The following BIRC6 variants were observed in gnomAD, a reference collection of about 807,000 sequenced individuals.
BIRC6 encodes the protein baculoviral IAP repeat containing 6.
BIRC6 carries 98 observed loss-of-function variants against 503.3 expected under a neutral mutation model. That is an observed-to-expected ratio of 0.19 (90% CI 0.17 to 0.23). The LOEUF (loss-of-function observed/expected upper bound fraction) is 0.23, where lower values mean the gene tolerates loss of function less well. Among genes scored for constraint, BIRC6 ranks in the 10% least tolerant of loss-of-function variants. The pLI is 1.00. For synonymous variants in BIRC6, 2,240 were observed against 2,078.7 expected (o/e 1.08, Z -2.11); for missense variants, 5,360 against 5,806.0 (o/e 0.92, Z 2.50).
Position 32,468,799 on chromosome 2 carries a change from A to G in BIRC6, c.6127+16A>G. The G allele has an allele frequency of 6.5e-7, 1 of 1,537,608 alleles. No homozygotes were observed. Among genetic ancestry groups the G allele is most frequent in the South Asian group, 1.2e-5 (1 of 82,216 alleles). On this transcript the variant is annotated intron_variant, in intron 29 of 73. Transcript: ENST00000421745. Reference sequence around the variant, plus strand: ...GCTTCTAATGGTTTGTATTTGGCTTACATATTTTAAAGGCTGGGAATATAC... The same window carrying G: ...GCTTCTAATGGTTTGTATTTGGCTTGCATATTTTAAAGGCTGGGAATATAC...
intron 61 of BIRC6, among the ~76,000 whole-genome samples, chr2:32,540,379 C>T (rs2057565878): frequency 6.6e-6 from 1 of 151,962 alleles, no homozygotes; most frequent in African/African-American, 2.4e-5. Flanking sequence ...AAATCATATC[C>T]TGTTCATCTA....
At chr2:32,584,447 C>T (rs1241165639) in intron 66 of BIRC6, among the ~76,000 whole-genome samples, 6 of 152,058 alleles carry the variant, frequency 3.9e-5, no homozygotes, top group African/African-American at 1.4e-4. Flanking sequence ...GCAAGAGAAT[C>T]GCTTCAACCG....
At chr2:32,400,736 G>T (rs1406547527) in intron 6 of BIRC6, among the ~76,000 whole-genome samples, 1 of 152,130 alleles carries the variant, frequency 6.6e-6, no homozygotes, top group East Asian at 1.9e-4. Context: ...TCGAGTTTCA[G>T]CTGTATATCA....
Position 32,482,464 on chromosome 2 carries a change from T to A in BIRC6, c.7578T>A (p.Ala2526=). 2 of 1,613,944 alleles carry A rather than the reference T, an allele frequency of 1.2e-6. No homozygotes were observed. The highest frequency in any genetic ancestry group is 1.7e-6 in the Non-Finnish European group (2 of 1,179,840). The change falls in exon 39 of 74, where the codon GCT becomes GCA. Residue 2526 remains alanine, a synonymous_variant. Transcript: ENST00000421745. ...GTACATGGTATGATTATTGGGGTGCTGATTATGGGACCTACAATTACAACC... is the reference window on the plus strand; with the variant it reads ...GTACATGGTATGATTATTGGGGTGCAGATTATGGGACCTACAATTACAACC... ...ISSTWYDYWG[A]DYGTYNYNPY...
intron 5 of BIRC6, 35 bp from the exon 6 acceptor site, chr2:32,395,476 T>C (rs758137817): frequency 6.9e-6 from 10 of 1,455,552 alleles, no homozygotes; most frequent in African/African-American, 1.4e-5. Flanking sequence ...AATAATGATT[T>C]ACCTTTTCTG....
At chr2:32,483,229 T>C (rs1026297173) in intron 39 of BIRC6, among the ~76,000 whole-genome samples, 1 of 152,082 alleles carries the variant, frequency 6.6e-6, no homozygotes, top group Non-Finnish European at 1.5e-5. Context: ...ATTTTTACAC[T>C]TTTTTAGTCA....
rs527683670 is a variant in BIRC6 at position 32,489,550 on chromosome 2, A to C, written c.8096-491A>C. Among the ~76,000 whole-genome samples, 8 of 152,270 alleles carry C rather than the reference A, an allele frequency of 5.3e-5. No individual in the cohort carries two copies. The East Asian group carries it at 1.5e-3, about 29-fold the overall frequency. ...TTCCTGGCTGGGCACAGTGGCTCAC[A>C]CCTGTAAAACCAGCACTTTGAGAGG... is the stretch of plus-strand genomic sequence containing the variant. On this transcript the variant is annotated intron_variant, in intron 42 of 73. Transcript: ENST00000421745.
At chr2:32,487,837 T>C (rs749578320) in intron 41 of BIRC6, 36 bp downstream of exon 41, 7 of 1,542,980 alleles carry the variant, frequency 4.5e-6, no homozygotes, top group Non-Finnish European at 4.5e-6. Flanking sequence ...TTTTTACATA[T>C]TATTGTTAGC....
intron 3 of BIRC6, among the ~76,000 whole-genome samples, chr2:32,386,388 T>C (rs567100600): frequency 6.6e-6 from 1 of 151,938 alleles, no homozygotes; most frequent in African/African-American, 2.4e-5. Flanking sequence ...TTTACAACAG[T>C]CCAGTAAAGG....
At chr2:32,598,000 T>A in intron 69 of BIRC6, 32 bp downstream of exon 69, 1 of 1,539,898 alleles carries the variant, frequency 6.5e-7, no homozygotes, top group Non-Finnish European at 8.9e-7. Flanking sequence ...GCACTCTCCC[T>A]TATCTCCTTG....
At chr2:32,479,641 T>C (rs781510907) in intron 37 of BIRC6, 24 bp downstream of exon 37, 67 of 1,523,112 alleles carry the variant, frequency 4.4e-5, no homozygotes, top group Middle Eastern at 3.4e-4. Flanking sequence ...TTATGTTTCT[T>C]CTTTATTCTA....
intron 10 of BIRC6, among the ~76,000 whole-genome samples, chr2:32,420,220 G>A (rs959446089): frequency 6.6e-6 from 1 of 152,054 alleles, no homozygotes; most frequent in East Asian, 1.9e-4. Context: ...TGTAATGCTT[G>A]CCTGATAGAA....
chr2:32,572,528 C>A (rs144031705), intron 65 of BIRC6, among the ~76,000 whole-genome samples: 2 of 152,146 alleles, frequency 1.3e-5, no homozygotes, highest in African/African-American at 4.8e-5. Context: ...TACCTGTTTG[C>A]GCTTTTACCT....
At chr2:32,507,788 T>G (rs921117768) in intron 50 of BIRC6, among the ~76,000 whole-genome samples, 192 bp from the exon 51 acceptor site, 1 of 152,190 alleles carries the variant, frequency 6.6e-6, no homozygotes, top group African/African-American at 2.4e-5. Flanking sequence ...TCAAATATTT[T>G]GTGTTGAAAA....
At chr2:32,448,494 A>C (rs1007714940) in intron 21 of BIRC6, among the ~76,000 whole-genome samples, 19 of 152,190 alleles carry the variant, frequency 1.2e-4, no homozygotes, top group Admixed American at 5.9e-4. Flanking sequence ...ACCAAAAAAA[A>C]CCGAAAACCA....
chr2:32,490,759 T>C (rs2051606099), intron 43 of BIRC6, among the ~76,000 whole-genome samples: 1 of 152,212 alleles, frequency 6.6e-6, no homozygotes, highest in Admixed American at 6.5e-5. Context: ...TCTTTTAAGA[T>C]ACCTTTGTAC....
intron 65 of BIRC6, among the ~76,000 whole-genome samples, chr2:32,561,829 G>T (rs1001965090): frequency 2.7e-5 from 4 of 150,626 alleles, no homozygotes; most frequent in African/African-American, 9.7e-5. Context: ...GGATCACGAG[G>T]TCAGGAGTTC....
intron 57 of BIRC6, among the ~76,000 whole-genome samples, chr2:32,523,959 A>G (rs1419620033): frequency 6.6e-6 from 1 of 151,922 alleles, no homozygotes; most frequent in East Asian, 1.9e-4. Flanking sequence ...TGAGATGATC[A>G]CTTGAGCCTG....
chr2:32,617,000 G>C (rs529727371), intron 73 of BIRC6, among the ~76,000 whole-genome samples: 23 of 152,298 alleles, frequency 1.5e-4, no homozygotes, highest in African/African-American at 5.3e-4. Flanking sequence ...GGAGGCTGAG[G>C]TGGGAGGATT....
Sources: gnomAD v4.1 joint callset for allele counts (sites outside exome capture counted in the v4.1 genomes callset) on GRCh38, gnomAD v4.1.1 for gene constraint, MANE v1.5 for transcripts, NCBI Gene and HGNC (gene_info 2026-07-23, HGNC 2026-07-21) for gene names.